Variants in PTPRM observed in about 807,000 individuals in gnomAD.
PTPRM encodes the protein receptor-type tyrosine-protein phosphatase mu.
Under a neutral mutation model 186.7 loss-of-function variants are expected in PTPRM, and 47 were observed. That is an observed-to-expected ratio of 0.25 (90% CI 0.20 to 0.32). PTPRM has a LOEUF of 0.32. PTPRM is among the 10% of genes least tolerant of loss of function. PTPRM has a pLI of 1.00. For synonymous variants in PTPRM, 668 were observed against 674.9 expected (o/e 0.99, Z 0.16); for missense variants, 1,494 against 1,865.0 (o/e 0.80, Z 3.66).
intron 1 of PTPRM, among the ~76,000 whole-genome samples, chr18:7,748,598 T>C (rs371229526): frequency 1.3e-5 from 2 of 152,338 alleles, no homozygotes; most frequent in East Asian, 3.9e-4. Flanking sequence ...AAATATATTT[T>C]GGTGAGAAAT....
intron 2 of PTPRM, among the ~76,000 whole-genome samples, chr18:7,845,258 T>C (rs980667173): frequency 2.6e-5 from 4 of 152,200 alleles, no homozygotes; most frequent in African/African-American, 9.7e-5. Context: ...TGAACAAGAA[T>C]GAGAATATGG....
chr18:8,354,123 G>A (rs1002828796), intron 23 of PTPRM, among the ~76,000 whole-genome samples: 2 of 151,788 alleles, frequency 1.3e-5, no homozygotes, highest in South Asian at 2.1e-4. Flanking sequence ...TGAGGCAGGA[G>A]AATCGCTTGA....
chr18:8,241,484 T>A (rs1224241413), intron 14 of PTPRM, among the ~76,000 whole-genome samples: 1 of 152,198 alleles, frequency 6.6e-6, no homozygotes, highest in Non-Finnish European at 1.5e-5. Flanking sequence ...ACAAACATGC[T>A]TTATTTGGGC....
chr18:7,976,934 T>A (rs1353854737), intron 7 of PTPRM, among the ~76,000 whole-genome samples: 17 of 150,584 alleles, frequency 1.1e-4, no homozygotes, highest in African/African-American at 2.4e-4. Flanking sequence ...TTTTTTTTTT[T>A]AAAGCTTGAT....
At chr18:8,039,719 A>G (rs568524027) in intron 7 of PTPRM, among the ~76,000 whole-genome samples, 2 of 152,294 alleles carry the variant, frequency 1.3e-5, no homozygotes, top group Admixed American at 1.3e-4. Flanking sequence ...ATACATTGTC[A>G]TTAACTACAT....
At position 8,319,187 on chromosome 18, in the gene PTPRM, C is replaced by T; in HGVS notation, c.2929C>T (p.Arg977Ter). Residue 977 changes from arginine (R) to a stop codon, truncating the protein, a stop_gained, in exon 22 of 33, where the codon CGA becomes TGA. Transcript: ENST00000580170. LOFTEE classifies it high-confidence loss of function. ...INGNYIDGYH[R>*]PNHYIATQGP... is the part of the protein sequence containing the mutation. ...TTTTATTTATTTTTAGGGTTATCAT[C>T]GACCCAATCATTACATTGCTACCCA... 6.4e-7 allele frequency: 1 copy of T among 1,554,734 alleles called. No individual in the cohort carries two copies. The highest frequency in any genetic ancestry group is 8.8e-7 in the Non-Finnish European group (1 of 1,131,162).
At chr18:7,739,142 GT>G (rs34789645) in intron 1 of PTPRM, among the ~76,000 whole-genome samples, 73,330 of 150,898 alleles carry the variant, frequency 0.49, 18,601 homozygotes, top group East Asian at 0.86. Flanking sequence ...AAAAATGACA[GT>G]TTTTTTTTTC....
At chr18:7,656,868 G>A (rs2038861926) in intron 1 of PTPRM, among the ~76,000 whole-genome samples, 1 of 152,084 alleles carries the variant, frequency 6.6e-6, no homozygotes, top group Non-Finnish European at 1.5e-5. Flanking sequence ...CCAGCTTGCA[G>A]TAGTAGCAGC....
At chr18:7,593,549 C>T (rs563251435) in intron 1 of PTPRM, among the ~76,000 whole-genome samples, 7 of 152,272 alleles carry the variant, frequency 4.6e-5, no homozygotes, top group African/African-American at 1.2e-4. Context: ...AGGCAAGAAG[C>T]GGTGGAGCTT....
At chr18:8,142,974 T>C (rs2092799562) in intron 13 of PTPRM, among the ~76,000 whole-genome samples, 1 of 152,190 alleles carries the variant, frequency 6.6e-6, no homozygotes, top group Admixed American at 6.5e-5. Context: ...CCACCACCAC[T>C]GTAAGACCCT....
chr18:8,159,232 T>C (rs79030285), intron 14 of PTPRM, among the ~76,000 whole-genome samples: 3,429 of 152,246 alleles, frequency 0.023, 124 homozygotes, highest in African/African-American at 0.079. Context: ...TTAAGTACTA[T>C]ATTTTCTTGA....
intron 14 of PTPRM, among the ~76,000 whole-genome samples, chr18:8,187,428 G>C (rs1339955886): frequency 1.3e-5 from 2 of 152,240 alleles, no homozygotes; most frequent in Non-Finnish European, 2.9e-5. Flanking sequence ...TGGTGGGCAA[G>C]GCGGTGGCAG....
intron 2 of PTPRM, among the ~76,000 whole-genome samples, chr18:7,785,397 TAA>T (rs1241069526): frequency 2.6e-5 from 4 of 152,106 alleles, no homozygotes; most frequent in Non-Finnish European, 4.4e-5. Flanking sequence ...TTAAAAGATA[TAA>T]GTGTTAGGAT....
chr18:8,326,667 AAAAC>A (rs759687001), intron 22 of PTPRM, among the ~76,000 whole-genome samples: 2 of 152,338 alleles, frequency 1.3e-5, no homozygotes, highest in Middle Eastern at 3.4e-3. Flanking sequence ...AAAGTTGACA[AAAAC>A]AAGCAATGGG....
At chr18:8,273,999 C>T (rs893999913) in intron 19 of PTPRM, among the ~76,000 whole-genome samples, 2 of 152,112 alleles carry the variant, frequency 1.3e-5, no homozygotes, top group African/African-American at 4.8e-5. Flanking sequence ...CTGACCTACT[C>T]CAGTGTGCTT....
At chr18:8,251,555 A>C (rs1048840385) in intron 17 of PTPRM, 2 of 152,232 alleles carry the variant, frequency 1.3e-5, no homozygotes, top group Non-Finnish European at 2.9e-5. Context: ...AATCCAAATG[A>C]AACAAAAATC....
chr18:8,092,715 A>G (rs1396841611), intron 11 of PTPRM, among the ~76,000 whole-genome samples: 1 of 152,200 alleles, frequency 6.6e-6, no homozygotes, highest in Non-Finnish European at 1.5e-5. Context: ...AGTCTGTCCC[A>G]GCACTTTGGG....
intron 7 of PTPRM, among the ~76,000 whole-genome samples, chr18:8,020,764 G>A (rs1418474676): frequency 1.3e-5 from 2 of 152,112 alleles, no homozygotes; most frequent in African/African-American, 4.8e-5. Context: ...TGGTGATAAT[G>A]AAAGAGAAAA....
intron 7 of PTPRM, among the ~76,000 whole-genome samples, chr18:8,005,682 C>T (rs2084140357): frequency 6.6e-6 from 1 of 152,130 alleles, no homozygotes; most frequent in Non-Finnish European, 1.5e-5. Context: ...TCAGGGGTGA[C>T]CTCCCCTGTC....
Sources: allele counts gnomAD v4.1 joint callset (sites outside exome capture counted in the v4.1 genomes callset), GRCh38; gene constraint gnomAD v4.1.1; transcripts MANE v1.5; gene names NCBI Gene and HGNC (gene_info 2026-07-23, HGNC 2026-07-21).